DPP6: variants seen among roughly 807,000 people sequenced by gnomAD.
DPP6 encodes A-type potassium channel modulatory protein DPP6.
In DPP6, 69 loss-of-function variants were observed where a neutral mutation model predicts 122.6. The observed-to-expected ratio is 0.56, with a 90% CI of 0.46 to 0.69. The LOEUF is 0.69. Among genes scored for constraint, DPP6 ranks in the 30% least tolerant of loss-of-function variants. DPP6 has a pLI of 0.00. For synonymous variants in DPP6, 418 were observed against 433.1 expected, an observed-to-expected ratio of 0.97 and a Z score of 0.43; for missense variants, 928 against 1,116.9, an observed-to-expected ratio of 0.83 and a Z score of 2.41.
exon 1 of DPP6, chr7:153,887,467 G>T (rs1388138771): frequency 4.2e-6 from 2 of 474,280 alleles, no homozygotes; most frequent in Non-Finnish European, 3.8e-6. Flanking sequence ...TATTGGTAGC[G>T]GCCAAAAAGA....
intron 7 of DPP6, among the ~76,000 whole-genome samples, chr7:154,721,996 C>T (rs1841837840): frequency 2.9e-5 from 4 of 138,714 alleles, no homozygotes; most frequent in South Asian, 4.5e-4. Context: ...GAGACCCCAT[C>T]TCTACCAAAA....
intron 3 of DPP6, among the ~76,000 whole-genome samples, chr7:154,510,311 G>C (rs1251666876): frequency 6.6e-6 from 1 of 152,098 alleles, no homozygotes; most frequent in African/African-American, 2.4e-5. Flanking sequence ...TGATGATCTT[G>C]ACTTTAAGAA....
intron 7 of DPP6, among the ~76,000 whole-genome samples, chr7:154,678,338 G>A (rs1028497213): frequency 6.6e-6 from 1 of 152,166 alleles, no homozygotes; most frequent in Non-Finnish European, 1.5e-5. Context: ...TTCGCACTAC[G>A]TGTATGAGCT....
the DPP6 span, among the ~76,000 whole-genome samples, chr7:153,843,080 GCACA>G: frequency 0.1 from 15,058 of 148,760 alleles, 815 homozygotes; most frequent in Middle Eastern, 0.15. Context: ...ACACACGTGC[GCACA>G]CACACGAGTG....
At position 154,186,048 on chromosome 7, in the gene DPP6, G is replaced by T. The variant is rs1798338783; in HGVS notation, c.243+132985G>T. Among the ~76,000 whole-genome samples the T allele has an allele frequency of 2.6e-5, 4 of 152,204 alleles. No individual in the cohort carries two copies. The South Asian group carries it at 8.3e-4, about 32-fold the overall frequency. ...GAAAACCAGCCATATTTGGGTTTGG[G>T]ATTAGCCTCTTGGTTTTGTGCAAGT... is the stretch of plus-strand genomic sequence containing the variant. On this transcript the variant is annotated intron_variant, in intron 1 of 25. Coordinates refer to ENST00000377770, the MANE Select transcript of DPP6 (RefSeq NM_130797.4).
At chr7:154,344,429 G>A (rs2011682) in intron 1 of DPP6, among the ~76,000 whole-genome samples, 16,767 of 152,146 alleles carry the variant, frequency 0.11, 1,332 homozygotes, top group African/African-American at 0.22. Flanking sequence ...ATGCTGGCGA[G>A]GATGTGGAGA....
intron 3 of DPP6, among the ~76,000 whole-genome samples, chr7:154,494,163 G>A (rs915033768): frequency 6.6e-5 from 10 of 152,030 alleles, no homozygotes; most frequent in African/African-American, 2.4e-4. Context: ...AGACCAGTCT[G>A]GGCAATAAAG....
chr7:153,785,127 G>A, the DPP6 span, among the ~76,000 whole-genome samples: 1 of 152,120 alleles, frequency 6.6e-6, no homozygotes, highest in South Asian at 2.1e-4. Context: ...GTGATGCTTG[G>A]TTGGGAACTG....
the DPP6 span, among the ~76,000 whole-genome samples, chr7:153,823,769 T>C: frequency 2.6e-5 from 4 of 152,136 alleles, no homozygotes; most frequent in Middle Eastern, 3.4e-3. Context: ...AAAGGGTGAA[T>C]TTTATTGCAT....
chr7:154,530,228 A>G (rs1275064431), intron 3 of DPP6, among the ~76,000 whole-genome samples: 1 of 152,198 alleles, frequency 6.6e-6, no homozygotes, highest in Non-Finnish European at 1.5e-5. Context: ...AGAGATATCC[A>G]TCTGCCCAAT....
intron 6 of DPP6, among the ~76,000 whole-genome samples, chr7:154,649,561 A>G (rs189080663): frequency 1.3e-5 from 2 of 152,152 alleles, no homozygotes. Context: ...GTCACTGTGT[A>G]TGGCAGGTGG....
chr7:154,256,694 C>G (rs1016913849), intron 1 of DPP6, among the ~76,000 whole-genome samples: 1 of 152,172 alleles, frequency 6.6e-6, no homozygotes, highest in South Asian at 2.1e-4. Context: ...GTGGTAAGTC[C>G]CCTTTGAGAA....
intron 3 of DPP6, among the ~76,000 whole-genome samples, chr7:154,533,003 A>G (rs1012783147): frequency 6.6e-6 from 1 of 152,208 alleles, no homozygotes; most frequent in African/African-American, 2.4e-5. Context: ...CTTATTTCAC[A>G]AGACACAGGG....
In DPP6 at chr7:154,416,542, C is replaced by T. The variant is rs935550087; in HGVS notation, c.244-29672C>T. Among the ~76,000 whole-genome samples, 126 of 152,152 alleles carry T rather than the reference C, an allele frequency of 8.3e-4. 6 individuals are homozygous for T. On this transcript the variant is annotated intron_variant, in intron 1 of 25. Transcript: ENST00000377770. The stretch of plus-strand genomic sequence containing the variant: ...ATTATTAATTCTAAAAATAAAATCT[C>T]TTACTGTGCCTCACTTATAAATGAC...
At chr7:154,139,173 G>C (rs1585464765) in intron 1 of DPP6, among the ~76,000 whole-genome samples, 1 of 151,436 alleles carries the variant, frequency 6.6e-6, no homozygotes, top group South Asian at 2.1e-4. Flanking sequence ...GCTTATGGAG[G>C]CTGAGTCGCA....
the DPP6 span, among the ~76,000 whole-genome samples, chr7:153,809,636 T>C: frequency 2.0e-5 from 3 of 152,054 alleles, no homozygotes; most frequent in Non-Finnish European, 4.4e-5. Flanking sequence ...GAAATTGTAG[T>C]TCCTAAAGAT....
At chr7:154,767,811 G>A (rs960557150) in intron 8 of DPP6, among the ~76,000 whole-genome samples, 3 of 152,210 alleles carry the variant, frequency 2.0e-5, no homozygotes, top group Non-Finnish European at 2.9e-5. Flanking sequence ...GGTCAAACCC[G>A]CCACAGGGTT....
intron 5 of DPP6, among the ~76,000 whole-genome samples, chr7:154,621,357 A>G (rs1834640058): frequency 6.6e-6 from 1 of 151,992 alleles, no homozygotes; most frequent in African/African-American, 2.4e-5. Context: ...ATGATTTCTA[A>G]TTTATTTGTT....
intron 16 of DPP6, among the ~76,000 whole-genome samples, chr7:154,820,714 T>A (rs1182184229): frequency 6.6e-6 from 1 of 152,070 alleles, no homozygotes; most frequent in Non-Finnish European, 1.5e-5. Context: ...ACGAATGTAA[T>A]CTCTTGGTAG....
Sources: gnomAD v4.1 joint callset for allele counts (sites outside exome capture counted in the v4.1 genomes callset) on GRCh38, gnomAD v4.1.1 for gene constraint, MANE v1.5 for transcripts, NCBI Gene and HGNC (gene_info 2026-07-23, HGNC 2026-07-21) for gene names.